THADA: variants seen among roughly 807,000 people sequenced by gnomAD.
THADA encodes the protein tRNA (32-2'-O)-methyltransferase regulator THADA.
Under a neutral mutation model 219.8 loss-of-function variants are expected in THADA, and 213 were observed. The observed-to-expected ratio is 0.97, with a 90% CI of 0.87 to 1.09. THADA has a LOEUF of 1.09. Ranked by LOEUF, THADA falls within the 50% of genes least tolerant of loss-of-function variation. The probability of loss-of-function intolerance (pLI) is 0.00; values close to 1 mark genes in which losing one functional copy is unlikely to be tolerated. For missense variants in THADA, 2,956 were observed against 2,311.3 expected (o/e 1.28, Z -5.72); for synonymous variants, 1,018 against 828.9 (o/e 1.23, Z -3.92).
intron 26 of THADA, among the ~76,000 whole-genome samples, chr2:43,443,876 G>A (rs1012238526): frequency 6.6e-6 from 1 of 152,144 alleles, no homozygotes; most frequent in Non-Finnish European, 1.5e-5. Context: ...CAAAGCATAA[G>A]GTGCAGAGAG....
intron 21 of THADA, among the ~76,000 whole-genome samples, chr2:43,540,182 G>C (rs1011713949): frequency 3.9e-5 from 6 of 152,186 alleles, no homozygotes; most frequent in African/African-American, 1.4e-4. Context: ...CACCAGCAAT[G>C]ACTGCAAGTA....
intron 25 of THADA, among the ~76,000 whole-genome samples, chr2:43,495,728 T>C (rs1191297195): frequency 1.3e-5 from 2 of 152,234 alleles, no homozygotes; most frequent in African/African-American, 4.8e-5. Context: ...AAAATATTTC[T>C]TGGTTCATCT....
intron 16 of THADA, among the ~76,000 whole-genome samples, chr2:43,557,275 C>G (rs1479524606): frequency 6.6e-6 from 1 of 152,080 alleles, no homozygotes; most frequent in East Asian, 1.9e-4. Flanking sequence ...TTTAAAACTG[C>G]TTCTTTCTTC....
intron 20 of THADA, among the ~76,000 whole-genome samples, chr2:43,546,943 G>C (rs1180285852): frequency 6.6e-6 from 1 of 152,124 alleles, no homozygotes; most frequent in Non-Finnish European, 1.5e-5. Flanking sequence ...TTGCTCGTTA[G>C]TTGATGCAGT....
intron 7 of THADA, among the ~76,000 whole-genome samples, chr2:43,583,075 T>C (rs905013807): frequency 7.2e-5 from 11 of 152,200 alleles, no homozygotes; most frequent in African/African-American, 2.7e-4. Context: ...TAAATTATAA[T>C]CTACATGCTG....
intron 24 of THADA, among the ~76,000 whole-genome samples, chr2:43,502,858 A>C (rs1341363816): frequency 6.6e-6 from 1 of 152,140 alleles, no homozygotes; most frequent in African/African-American, 2.4e-5. Flanking sequence ...AACAACAATA[A>C]AAATCCAACT....
chr2:43,334,409 T>C (rs762037335), intron 30 of THADA, among the ~76,000 whole-genome samples: 5 of 152,098 alleles, frequency 3.3e-5, no homozygotes, highest in Non-Finnish European at 5.9e-5. Flanking sequence ...GTCTGGTACA[T>C]TGAGCAGGCT....
In THADA at chr2:43,581,944, G is replaced by C; in HGVS notation, c.534-16C>G. ...AGCACATTTTCTATAAAGAAGAAAA[G>C]ACATTATTACAAAAGGAAATTCAAA... is the stretch of plus-strand genomic sequence containing the variant. On this transcript the variant is annotated splice_polypyrimidine_tract_variant and intron_variant, in intron 7 of 37. Transcript: ENST00000405975. 4 of 1,502,176 alleles carry C rather than the reference G, an allele frequency of 2.7e-6. No individual in the cohort carries two copies. The highest frequency in any genetic ancestry group is 3.5e-6 in the Non-Finnish European group (4 of 1,129,374). The allele number at this position is 1,502,176 out of a possible 1,614,324, so 93.1% of individuals were successfully genotyped here.
intron 8 of THADA, among the ~76,000 whole-genome samples, chr2:43,580,222 T>A (rs186523368): frequency 1.3e-5 from 2 of 151,694 alleles, no homozygotes; most frequent in South Asian, 2.1e-4. Context: ...TTTTTTAGTA[T>A]TTTAGACAGG....
chr2:43,511,711 T>C (rs1432179554), intron 22 of THADA, among the ~76,000 whole-genome samples: 1 of 152,144 alleles, frequency 6.6e-6, no homozygotes, highest in Non-Finnish European at 1.5e-5. Context: ...CATATCCCTA[T>C]TCATCCAAAC....
chr2:43,581,201 A>T (rs1370002447), intron 8 of THADA, among the ~76,000 whole-genome samples: 1 of 152,086 alleles, frequency 6.6e-6, no homozygotes, highest in East Asian at 1.9e-4. Context: ...AAAAGTGATC[A>T]CCCTTGAACC....
At chr2:43,500,769 T>A (rs931248747) in intron 24 of THADA, among the ~76,000 whole-genome samples, 1 of 152,116 alleles carries the variant, frequency 6.6e-6, no homozygotes, top group Admixed American at 6.6e-5. Context: ...AATAGAAAGT[T>A]AAAACAAACT....
chr2:43,358,242 C>CT (rs1350182121), intron 29 of THADA, among the ~76,000 whole-genome samples: 1 of 152,096 alleles, frequency 6.6e-6, no homozygotes, highest in African/African-American at 2.4e-5. Flanking sequence ...AAAATATATT[C>CT]TTTTTTTGTC....
At chr2:43,420,517 T>C (rs943682275) in intron 28 of THADA, among the ~76,000 whole-genome samples, 2 of 152,246 alleles carry the variant, frequency 1.3e-5, no homozygotes, top group African/African-American at 4.8e-5. Flanking sequence ...AGAATGGGAC[T>C]GTGTGCAGAT....
chr2:43,540,746 T>C (rs1695187390), intron 21 of THADA, among the ~76,000 whole-genome samples: 1 of 152,232 alleles, frequency 6.6e-6, no homozygotes, highest in Non-Finnish European at 1.5e-5. Flanking sequence ...ACTACAACTT[T>C]ATTATCAATG....
At chr2:43,483,035 T>G (rs1686424448) in intron 26 of THADA, among the ~76,000 whole-genome samples, 1 of 152,192 alleles carries the variant, frequency 6.6e-6, no homozygotes, top group Admixed American at 6.5e-5. Flanking sequence ...AGTCAGACCT[T>G]TATTTCCCAT....
intron 26 of THADA, among the ~76,000 whole-genome samples, chr2:43,454,798 C>G (rs1176615577): frequency 6.6e-6 from 1 of 152,118 alleles, no homozygotes; most frequent in East Asian, 1.9e-4. Context: ...TATTTTAGCT[C>G]CAAGTGTGAT....
At chr2:43,486,928 C>A (rs753900170) in intron 25 of THADA, among the ~76,000 whole-genome samples, 2 of 152,210 alleles carry the variant, frequency 1.3e-5, no homozygotes, top group Admixed American at 6.5e-5. Flanking sequence ...AACCTCTCCT[C>A]TAGAAGCCCA....
rs1689605557 is a variant in THADA, at chr2:43,505,846, T to C, written c.3508-111A>G. On this transcript the variant is annotated intron_variant, in intron 23 of 37. Coordinates refer to ENST00000405975, the MANE Select transcript of THADA (RefSeq NM_022065.5). ...AAATCCCCTTAATAAAAACATGTGG[T>C]TATCAAAGAAAGTTAATTAAGCCAT... 1.6e-5 allele frequency: 12 copies of C among 765,654 alleles called. No homozygotes were observed. The South Asian group carries it at 2.2e-4, about 14-fold the overall frequency. 47.4% of individuals were successfully genotyped at this position (765,654 alleles called of 1,614,324 possible).
Sources: allele counts gnomAD v4.1 joint callset (sites outside exome capture counted in the v4.1 genomes callset), GRCh38; gene constraint gnomAD v4.1.1; transcripts MANE v1.5; gene names NCBI Gene and HGNC (gene_info 2026-07-23, HGNC 2026-07-21).